The following AGTPBP1 variants were observed in gnomAD, a reference collection of about 807,000 sequenced individuals.
AGTPBP1 encodes ATP/GTP binding carboxypeptidase 1, also known as cytosolic carboxypeptidase 1.
AGTPBP1 carries 70 observed loss-of-function variants against 143.9 expected under a neutral mutation model. That is an observed-to-expected ratio of 0.49 (90% CI 0.40 to 0.59). The LOEUF is 0.59. AGTPBP1 is among the 20% of genes least tolerant of loss of function. The pLI, the probability that AGTPBP1 is intolerant of heterozygous loss-of-function variation, is 0.00. For missense variants in AGTPBP1, 1,229 were observed against 1,464.5 expected (o/e 0.84, Z 2.62); for synonymous variants, 463 against 500.2 (o/e 0.93, Z 0.99).
chr9:85,550,381 C>A (rs1440754389), intron 25 of AGTPBP1, among the ~76,000 whole-genome samples: 4 of 152,184 alleles, frequency 2.6e-5, no homozygotes, highest in Non-Finnish European at 4.4e-5. Context: ...CTCCACTGTG[C>A]TTCCTGGTGG....
At chr9:85,681,745 CTTTTTTTTTTTTT>C (rs1204253430) in intron 3 of AGTPBP1, among the ~76,000 whole-genome samples, 1 of 105,914 alleles carries the variant, frequency 9.4e-6, no homozygotes, top group African/African-American at 3.9e-5. Flanking sequence ...GCATTAATAT[CTTTTTTTTTTTTT>C]TTTTTTTTTG....
chr9:85,559,444 A>T (rs944859886), intron 25 of AGTPBP1, among the ~76,000 whole-genome samples: 2 of 151,876 alleles, frequency 1.3e-5, no homozygotes, highest in Non-Finnish European at 2.9e-5. Context: ...GTAAAAAAAA[A>T]AAAAATCTTT....
At chr9:85,752,946 C>T in the AGTPBP1 span, among the ~76,000 whole-genome samples, 101,182 of 151,960 alleles carry the variant, frequency 0.67, 35,243 homozygotes, top group African/African-American at 0.76. Flanking sequence ...GCCCAGGAGC[C>T]TGAGCTTACA....
At chr9:85,663,764 G>A (rs1319998215) in intron 8 of AGTPBP1, among the ~76,000 whole-genome samples, 2 of 151,932 alleles carry the variant, frequency 1.3e-5, no homozygotes, top group East Asian at 3.9e-4. Flanking sequence ...GCTACCAATT[G>A]ATCCAGCCAT....
At chr9:85,593,867 A>G (rs1483237781) in intron 18 of AGTPBP1, among the ~76,000 whole-genome samples, 1 of 152,214 alleles carries the variant, frequency 6.6e-6, no homozygotes, top group African/African-American at 2.4e-5. Context: ...TGACTTAAAG[A>G]TGCTCTAACA....
chr9:85,647,335 G>GT (rs1351612086), intron 11 of AGTPBP1, among the ~76,000 whole-genome samples: 9 of 152,208 alleles, frequency 5.9e-5, no homozygotes, highest in African/African-American at 1.9e-4. Context: ...AATCTGGGTT[G>GT]TATGTGGCCC....
intron 3 of AGTPBP1, 54 bp from the exon 4 acceptor site, chr9:85,681,389 T>C: frequency 6.7e-7 from 1 of 1,501,128 alleles, no homozygotes; most frequent in Non-Finnish European, 9.2e-7. Context: ...AAAGTATGTA[T>C]AGTTTTGTTG....
intron 8 of AGTPBP1, among the ~76,000 whole-genome samples, chr9:85,661,320 T>G (rs2133981559): frequency 6.6e-6 from 1 of 152,154 alleles, no homozygotes; most frequent in Middle Eastern, 3.4e-3. Flanking sequence ...AACCACACTA[T>G]TAAAAATCAT....
chr9:85,726,225 G>T (rs1421732094), intron 1 of AGTPBP1, among the ~76,000 whole-genome samples: 1 of 123,414 alleles, frequency 8.1e-6, no homozygotes, highest in Non-Finnish European at 1.8e-5. Context: ...ACAAGACTCT[G>T]TCTCAAAAAA....
At chr9:85,616,057 T>A (rs988176148) in intron 17 of AGTPBP1, among the ~76,000 whole-genome samples, 2 of 151,986 alleles carry the variant, frequency 1.3e-5, no homozygotes, top group Admixed American at 6.6e-5. Context: ...TCTTCTTTTT[T>A]AAAAAATAAA....
intron 13 of AGTPBP1, among the ~76,000 whole-genome samples, chr9:85,638,714 A>G (rs1351155184): frequency 6.6e-6 from 1 of 151,976 alleles, no homozygotes; most frequent in Non-Finnish European, 1.5e-5. Flanking sequence ...TCATAATGAT[A>G]AAAAGTCCAA....
chr9:85,705,093 G>C (rs1414829539), intron 2 of AGTPBP1, among the ~76,000 whole-genome samples: 1 of 151,726 alleles, frequency 6.6e-6, no homozygotes, highest in Non-Finnish European at 1.5e-5. Context: ...TTTCATTGAA[G>C]TTCCTGAAGG....
intron 17 of AGTPBP1, among the ~76,000 whole-genome samples, chr9:85,607,080 A>G (rs994692243): frequency 3.3e-5 from 5 of 152,058 alleles, no homozygotes; most frequent in African/African-American, 1.2e-4. Flanking sequence ...TACAGAAATG[A>G]TAAATCATCA....
intron 25 of AGTPBP1, among the ~76,000 whole-genome samples, chr9:85,551,998 T>C (rs879819241): frequency 6.6e-5 from 10 of 152,238 alleles, no homozygotes; most frequent in Non-Finnish European, 1.2e-4. Flanking sequence ...TTACTCCTTT[T>C]GGCTTGTCCT....
intron 1 of AGTPBP1, among the ~76,000 whole-genome samples, chr9:85,728,030 TACACACACACAC>T (rs57676033): frequency 0.014 from 1,860 of 128,430 alleles, 62 homozygotes; most frequent in African/African-American, 0.05. Context: ...TATATTTATA[TACACACACACAC>T]ACACACACAC....
intron 21 of AGTPBP1, among the ~76,000 whole-genome samples, chr9:85,587,806 A>G (rs1300189445): frequency 6.6e-6 from 1 of 152,122 alleles, no homozygotes; most frequent in Non-Finnish European, 1.5e-5. Context: ...TTTACAAAGT[A>G]ATTATCTTCC....
the AGTPBP1 span, among the ~76,000 whole-genome samples, chr9:85,757,878 A>C: frequency 6.6e-6 from 1 of 152,162 alleles, no homozygotes; most frequent in Non-Finnish European, 1.5e-5. Flanking sequence ...TGAACCAGGC[A>C]CAGCAAAGGT....
chr9:85,678,767 A>G (rs1444889913), intron 4 of AGTPBP1, among the ~76,000 whole-genome samples: 1 of 152,234 alleles, frequency 6.6e-6, no homozygotes, highest in East Asian at 1.9e-4. Context: ...CACGTTATCA[A>G]TTTCTTATGC....
intron 18 of AGTPBP1, 79 bp downstream of exon 18, chr9:85,596,283 T>G: frequency 6.2e-6 from 6 of 966,482 alleles, no homozygotes; most frequent in Non-Finnish European, 9.2e-6. Flanking sequence ...CTCTACTGTT[T>G]CCTTTTACAC....
Sources: allele counts gnomAD v4.1 joint callset (sites outside exome capture counted in the v4.1 genomes callset), GRCh38; gene constraint gnomAD v4.1.1; transcripts MANE v1.5; gene names NCBI Gene and HGNC (gene_info 2026-07-23, HGNC 2026-07-21).